PPP3CA: variants seen among roughly 807,000 people sequenced by gnomAD.
The protein encoded by PPP3CA is protein phosphatase 3 catalytic subunit alpha, also known as CAM-PRP catalytic subunit.
PPP3CA carries 14 observed loss-of-function variants against 66.5 expected under a neutral mutation model. The observed-to-expected ratio is 0.21, with a 90% CI of 0.14 to 0.33. The LOEUF (loss-of-function observed/expected upper bound fraction) is 0.33. Ranked by LOEUF, PPP3CA falls within the 10% of genes least tolerant of loss-of-function variation. PPP3CA has a pLI of 1.00. For missense variants in PPP3CA, 317 were observed against 639.5 expected, an observed-to-expected ratio of 0.50 and a Z score of 5.44; for synonymous variants, 232 against 226.2, an observed-to-expected ratio of 1.03 and a Z score of -0.23.
chr4:101,204,067 T>G (rs1005558434), intron 1 of PPP3CA, among the ~76,000 whole-genome samples: 1 of 152,078 alleles, frequency 6.6e-6, no homozygotes, highest in African/African-American at 2.4e-5. Flanking sequence ...CCTCCTGAGC[T>G]CAAGCAATCC....
intron 1 of PPP3CA, among the ~76,000 whole-genome samples, chr4:101,203,885 T>G (rs1161089260): frequency 2.0e-5 from 3 of 152,228 alleles, no homozygotes; most frequent in Non-Finnish European, 4.4e-5. Context: ...GATTCAACAC[T>G]GAAGATTATT....
Position 101,347,173 on chromosome 4 carries a change from C to G in PPP3CA, c.-377G>C, listed in dbSNP as rs1193642378. ...CCACCCCGGCACGGAGACCCAGCAC[C>G]GCGGAATGGAGCCCCACGCGCGCAC... is the stretch of plus-strand genomic sequence containing the variant. On this transcript the variant is annotated 5_prime_UTR_variant, in exon 1 of 14. Transcript: ENST00000394854. 1 of 379,246 alleles carries G rather than the reference C, an allele frequency of 2.6e-6. No individual in the cohort carries two copies. Among genetic ancestry groups the G allele is most frequent in the East Asian group, 7.3e-5 (1 of 13,756 alleles). The allele number at this position is 379,246 out of a possible 1,614,324, so 23.5% of individuals were successfully genotyped here.
rs75991178 is a variant in PPP3CA at position 101,039,468 on chromosome 4, A to T, written c.1241+1014T>A. On this transcript the variant is annotated intron_variant, in intron 11 of 13. Coordinates refer to ENST00000394854, the MANE Select transcript of PPP3CA (RefSeq NM_000944.5). ...CAATAGAGCAAAGGTAGCCTCATTC[A>T]ATAACGGAAGGGAGCAATGATGCCC... Among the ~76,000 whole-genome samples the T allele has an allele frequency of 8.3e-3, 1,209 of 145,050 alleles. 193 individuals carry two copies. Among genetic ancestry groups the T allele is most frequent in the South Asian group, 0.048 (208 of 4,300 alleles).
In PPP3CA at chr4:101,093,694, A is replaced by G. The variant is rs561876695; in HGVS notation, c.782+82T>C. 1.4e-5 allele frequency: 18 copies of G among 1,318,548 alleles called. No individual in the cohort carries two copies. In the South Asian group the frequency reaches 3.2e-4, roughly 23 times the overall value. The allele number at this position is 1,318,548 out of a possible 1,614,324, so 81.7% of individuals were successfully genotyped here. On this transcript the variant is annotated intron_variant, in intron 6 of 13. Transcript: ENST00000394854. Reference sequence around the variant, plus strand: ...ATATTAAAGAAGTAATACAAACATTATAAATAAATCAAACACATGGACTGA... The same window carrying G: ...ATATTAAAGAAGTAATACAAACATTGTAAATAAATCAAACACATGGACTGA...
rs1211229827 is a variant in PPP3CA at position 101,177,891 on chromosome 4, A to G, written c.259+18025T>C. ...CATTATCCAGAGTACACTACTATAT[A>G]CCAAGAAATATTATTTTTTCTGTTT... On this transcript the variant is annotated intron_variant, in intron 2 of 13. Transcript: ENST00000394854. 5.3e-5 allele frequency among the ~76,000 whole-genome samples: 8 copies of G among 152,158 alleles called. No individual in the cohort carries two copies. In the East Asian group the frequency reaches 1.5e-3, roughly 29 times the overall value.
intron 10 of PPP3CA, among the ~76,000 whole-genome samples, chr4:101,055,734 T>C (rs937655867): frequency 1.3e-5 from 2 of 152,128 alleles, no homozygotes; most frequent in African/African-American, 2.4e-5. Context: ...ATGAAACACA[T>C]TTCTTCTTAG....
intron 1 of PPP3CA, among the ~76,000 whole-genome samples, chr4:101,263,761 GAAA>G (rs930721713): frequency 6.7e-6 from 1 of 150,020 alleles, no homozygotes; most frequent in Non-Finnish European, 1.5e-5. Context: ...GTTCAGACAG[GAAA>G]AAAAAATCCA....
intron 2 of PPP3CA, among the ~76,000 whole-genome samples, chr4:101,136,560 T>C (rs2695210): frequency 0.33 from 49,395 of 151,142 alleles, 9,847 homozygotes; most frequent in African/African-American, 0.57. Context: ...AAAGTGTTCA[T>C]GAAGCAATGT....
Position 101,278,122 on chromosome 4 carries a change from T to TAAAAAAAAA in PPP3CA, c.58+68608_58+68616dup, listed in dbSNP as rs3077992. On this transcript the variant is annotated intron_variant, in intron 1 of 13. Coordinates refer to ENST00000394854, the MANE Select transcript of PPP3CA (RefSeq NM_000944.5). Reference sequence around the variant, plus strand: ...AAAATGAAACTTTAAAAGCTATTAGTAAAAAAAAAAAAAAAAATAAAAAAA... The same window carrying TAAAAAAAAA: ...AAAATGAAACTTTAAAAGCTATTAGTAAAAAAAAAAAAAAAAAAAAAAAAAATAAAAAAA... Among the ~76,000 whole-genome samples the TAAAAAAAAA allele has an allele frequency of 3.3e-3, 371 of 111,964 alleles. 9 individuals carry two copies. Among genetic ancestry groups the TAAAAAAAAA allele is most frequent in the African/African-American group, 0.014 (308 of 22,528 alleles). 73.5% of individuals were successfully genotyped at this position (111,964 alleles called of 152,430 possible).
At chr4:101,030,023 A>G (rs1578386557) in intron 12 of PPP3CA, among the ~76,000 whole-genome samples, 1 of 152,062 alleles carries the variant, frequency 6.6e-6, no homozygotes, top group African/African-American at 2.4e-5. Flanking sequence ...TAGGCAGCCT[A>G]AATACTGAAT....
chr4:101,328,198 A>T (rs1729264776), intron 1 of PPP3CA, among the ~76,000 whole-genome samples: 1 of 152,138 alleles, frequency 6.6e-6, no homozygotes, highest in African/African-American at 2.4e-5. Context: ...TCAACCACAG[A>T]ATTTCTCAAA....
chr4:101,166,084 A>G (rs572107502), intron 2 of PPP3CA, among the ~76,000 whole-genome samples: 2 of 152,332 alleles, frequency 1.3e-5, no homozygotes, highest in Admixed American at 1.3e-4. Context: ...TTGCATGCAC[A>G]TTCCAACTTA....
At chr4:101,070,906 A>AT (rs879685464) in intron 8 of PPP3CA, among the ~76,000 whole-genome samples, 26 of 151,702 alleles carry the variant, frequency 1.7e-4, no homozygotes, top group Admixed American at 4.6e-4. Context: ...CTTCTAGCAA[A>AT]TTTTTTTTTG....
chr4:101,077,894 T>C (rs1416250877), intron 8 of PPP3CA, among the ~76,000 whole-genome samples: 1 of 152,070 alleles, frequency 6.6e-6, no homozygotes, highest in African/African-American at 2.4e-5. Context: ...ATAGACACCT[T>C]ATTTGAGAAA....
intron 1 of PPP3CA, among the ~76,000 whole-genome samples, chr4:101,235,769 T>G (rs1445481838): frequency 6.6e-6 from 1 of 151,852 alleles, no homozygotes; most frequent in Non-Finnish European, 1.5e-5. Context: ...CTTCCCTCAC[T>G]GATGTTATAG....
intron 1 of PPP3CA, among the ~76,000 whole-genome samples, chr4:101,280,650 T>A (rs1727651246): frequency 6.6e-6 from 1 of 151,712 alleles, no homozygotes; most frequent in Non-Finnish European, 1.5e-5. Context: ...TGAAACCCCA[T>A]CTCTACTAAA....
In PPP3CA at chr4:101,347,402, G is replaced by T. The variant is rs950629979; in HGVS notation, c.-606C>A. The T allele has an allele frequency of 1.8e-5, 3 of 166,052 alleles. No individual in the cohort carries two copies. The highest frequency in any genetic ancestry group is 2.6e-5 in the Non-Finnish European group (2 of 78,048). 10.3% of individuals were successfully genotyped at this position (166,052 alleles called of 1,614,324 possible). On this transcript the variant is annotated 5_prime_UTR_variant, in exon 1 of 14. Transcript: ENST00000394854. ...CTCCACACAGAGCGCCGCCGCTGGT[G>T]CCGCGGCCGCCGGAGACGTCCCGCC...
At chr4:101,127,567 A>C (rs1384891328) in intron 2 of PPP3CA, among the ~76,000 whole-genome samples, 1 of 152,170 alleles carries the variant, frequency 6.6e-6, no homozygotes, top group Non-Finnish European at 1.5e-5. Flanking sequence ...TAGAGGTTTC[A>C]GAGGCAAGAA....
intron 1 of PPP3CA, among the ~76,000 whole-genome samples, chr4:101,308,574 T>C (rs191504452): frequency 5.9e-5 from 9 of 152,190 alleles, no homozygotes; most frequent in Admixed American, 3.9e-4. Flanking sequence ...GCCTCCCAAG[T>C]AGCTGGGATT....
Sources: gnomAD v4.1 joint callset for allele counts (sites outside exome capture counted in the v4.1 genomes callset) on GRCh38, gnomAD v4.1.1 for gene constraint, MANE v1.5 for transcripts, NCBI Gene and HGNC (gene_info 2026-07-23, HGNC 2026-07-21) for gene names.